Variants in FRMD5 observed in about 807,000 individuals in gnomAD.
FRMD5 encodes the protein FERM domain-containing protein 5.
In FRMD5, 20 loss-of-function variants were observed where a neutral mutation model predicts 69.0. The observed-to-expected ratio is 0.29, with a 90% CI of 0.20 to 0.42. The LOEUF (loss-of-function observed/expected upper bound fraction) is 0.42. Among genes scored for constraint, FRMD5 ranks in the 10% least tolerant of loss-of-function variants. FRMD5 has a pLI of 1.00. For missense variants in FRMD5, 595 were observed against 708.6 expected, an observed-to-expected ratio of 0.84 and a Z score of 1.82; for synonymous variants, 271 against 260.1, an observed-to-expected ratio of 1.04 and a Z score of -0.40.
chr15:44,191,415 G>C (rs1177843419), intron 1 of FRMD5, among the ~76,000 whole-genome samples: 1 of 151,892 alleles, frequency 6.6e-6, no homozygotes, highest in East Asian at 1.9e-4. Flanking sequence ...GTGAAACCTC[G>C]TCTCTACTAA....
intron 1 of FRMD5, among the ~76,000 whole-genome samples, chr15:44,158,371 A>G (rs1300882638): frequency 1.3e-5 from 2 of 152,154 alleles, no homozygotes; most frequent in South Asian, 2.1e-4. Flanking sequence ...ACTCATTCCA[A>G]TGTCTTTTCA....
In FRMD5 at chr15:43,874,386, G is replaced by A. The variant is rs749206726; in HGVS notation, c.1212C>T (p.His404=). Residue 404 remains histidine, a synonymous_variant, in exon 14 of 14, where the codon CAC becomes CAT. Coordinates refer to ENST00000417257, the MANE Select transcript of FRMD5 (RefSeq NM_032892.5). ...STSHGDTFLP[H]VRSSRTDSNE... Reference sequence around the variant, plus strand: ...TGCTATCTGTCCGGCTGCTTCTCACGTGAGGCAGGAAGGTGTCCCCATGGG... The same window carrying A: ...TGCTATCTGTCCGGCTGCTTCTCACATGAGGCAGGAAGGTGTCCCCATGGG... 17 of 1,614,070 alleles carry A rather than the reference G, an allele frequency of 1.1e-5. No homozygotes were observed. Among genetic ancestry groups the A allele is most frequent in the East Asian group, 6.7e-5 (3 of 44,896 alleles).
intron 1 of FRMD5, among the ~76,000 whole-genome samples, chr15:44,169,206 A>G (rs1444421789): frequency 6.6e-6 from 1 of 152,138 alleles, no homozygotes; most frequent in East Asian, 1.9e-4. Flanking sequence ...CCTTGCATGT[A>G]AAGGCTTTTG....
chr15:44,172,552 C>G (rs1357191630), intron 1 of FRMD5, among the ~76,000 whole-genome samples: 1 of 152,070 alleles, frequency 6.6e-6, no homozygotes, highest in East Asian at 1.9e-4. Context: ...ATTTAGAATT[C>G]AGTGACTTTT....
chr15:43,940,046 G>A (rs1042343025), intron 1 of FRMD5, among the ~76,000 whole-genome samples: 6 of 152,078 alleles, frequency 3.9e-5, no homozygotes, highest in Non-Finnish European at 8.8e-5. Flanking sequence ...GCTTGGTAGC[G>A]GGTGCCTGTA....
At chr15:43,899,190 T>G (rs902040919) in intron 7 of FRMD5, among the ~76,000 whole-genome samples, 1 of 152,192 alleles carries the variant, frequency 6.6e-6, no homozygotes, top group Non-Finnish European at 1.5e-5. Flanking sequence ...GAGCACTTGA[T>G]AGCATATCAC....
chr15:43,920,644 C>T (rs1055395720), intron 2 of FRMD5, among the ~76,000 whole-genome samples: 1 of 152,096 alleles, frequency 6.6e-6, no homozygotes, highest in African/African-American at 2.4e-5. Flanking sequence ...TTAGGTAGGA[C>T]TGCTATTAAT....
At chr15:44,007,143 C>T (rs569242291) in intron 1 of FRMD5, among the ~76,000 whole-genome samples, 13 of 152,270 alleles carry the variant, frequency 8.5e-5, no homozygotes, top group African/African-American at 2.6e-4. Context: ...AAGATTTTAA[C>T]TTGCTGAAGG....
At chr15:44,004,270 G>A (rs1235608900) in intron 1 of FRMD5, among the ~76,000 whole-genome samples, 1 of 152,174 alleles carries the variant, frequency 6.6e-6, no homozygotes, top group African/African-American at 2.4e-5. Context: ...TATTTAACAT[G>A]TATGTATACC....
intron 1 of FRMD5, among the ~76,000 whole-genome samples, chr15:43,998,095 G>A (rs1252681829): frequency 6.6e-6 from 1 of 152,122 alleles, no homozygotes; most frequent in Non-Finnish European, 1.5e-5. Context: ...GGTTCAATGT[G>A]GAACTAAGGT....
At chr15:43,899,739 C>T (rs1321184574) in intron 7 of FRMD5, among the ~76,000 whole-genome samples, 1 of 152,174 alleles carries the variant, frequency 6.6e-6, no homozygotes, top group Non-Finnish European at 1.5e-5. Flanking sequence ...GGTATGAATG[C>T]TGGTTCCTCC....
chr15:43,895,250 G>C (rs1595491766), intron 7 of FRMD5, among the ~76,000 whole-genome samples: 1 of 152,240 alleles, frequency 6.6e-6, no homozygotes, highest in South Asian at 2.1e-4. Flanking sequence ...ATGAAAAAAG[G>C]AGAAGTAATT....
rs532359613 is a variant in FRMD5, at chr15:44,095,973, G to C, written c.102+98980C>G. On this transcript the variant is annotated intron_variant, in intron 1 of 13. Coordinates refer to ENST00000417257, the MANE Select transcript of FRMD5 (RefSeq NM_032892.5). The stretch of plus-strand genomic sequence containing the variant: ...TATAATCCCAATACTTTGGGAGGCT[G>C]AGGTGGGTGGATCACTTGAGGTCGG... Among the ~76,000 whole-genome samples the C allele has an allele frequency of 7.9e-5, 12 of 152,264 alleles. No individual in the cohort carries two copies. In the South Asian group the frequency reaches 2.3e-3, roughly 29 times the overall value.
Position 44,194,938 on chromosome 15 carries a change from C to A in FRMD5, c.102+15G>T. 1 of 1,512,468 alleles carries A rather than the reference C, an allele frequency of 6.6e-7. No individual in the cohort carries two copies. The highest frequency in any genetic ancestry group is 8.8e-7 in the Non-Finnish European group (1 of 1,132,616). 93.7% of individuals were successfully genotyped at this position (1,512,468 alleles called of 1,614,324 possible). A position where few individuals can be genotyped will look rare whatever the true frequency, so the allele number is the denominator to read the frequency against. Reference sequence around the variant, plus strand: ...AGGGGGTCCCGCGGGCGGGGCGGGGCGGCGCGGCGCTGACCTGGATGGTGC... The same window carrying A: ...AGGGGGTCCCGCGGGCGGGGCGGGGAGGCGCGGCGCTGACCTGGATGGTGC... On this transcript the variant is annotated intron_variant, in intron 1 of 13. Coordinates refer to ENST00000417257, the MANE Select transcript of FRMD5 (RefSeq NM_032892.5).
chr15:44,190,931 G>C lies in FRMD5; in HGVS notation c.102+4022C>G, dbSNP rs78846634. Among the ~76,000 whole-genome samples the C allele has an allele frequency of 4.1e-3, 625 of 152,294 alleles. 7 individuals are homozygous for C. The highest frequency in any genetic ancestry group is 0.014 in the African/African-American group (596 of 41,552). ...AACTCTAGAGTGCCTGGCAAGCACA[G>C]GGCTCAATACATTTGTTCTCTCCCT... On this transcript the variant is annotated intron_variant, in intron 1 of 13. Transcript: ENST00000417257.
intron 1 of FRMD5, among the ~76,000 whole-genome samples, chr15:43,995,802 G>T (rs1889892214): frequency 6.6e-6 from 1 of 152,064 alleles, no homozygotes; most frequent in Non-Finnish European, 1.5e-5. Context: ...GTTTTTGAGG[G>T]CTAATGTAGG....
At chr15:44,159,981 C>G (rs2077587876) in intron 1 of FRMD5, among the ~76,000 whole-genome samples, 1 of 152,218 alleles carries the variant, frequency 6.6e-6, no homozygotes, top group South Asian at 2.1e-4. Flanking sequence ...CATCTATCAT[C>G]AAGGGTGAGC....
At chr15:43,910,021 A>G (rs1325412849) in intron 4 of FRMD5, 42 bp from the exon 5 acceptor site, 2 of 1,159,122 alleles carry the variant, frequency 1.7e-6, no homozygotes, top group South Asian at 2.5e-5. Flanking sequence ...GATTTCTTTG[A>G]TTGCTTTAAA....
chr15:43,982,451 C>T (rs916472279), intron 1 of FRMD5, among the ~76,000 whole-genome samples: 11 of 152,016 alleles, frequency 7.2e-5, no homozygotes, highest in African/African-American at 9.7e-5. Flanking sequence ...TTCACTTTAA[C>T]GCTTGAGGGT....
Sources: allele counts gnomAD v4.1 joint callset (sites outside exome capture counted in the v4.1 genomes callset), GRCh38; gene constraint gnomAD v4.1.1; transcripts MANE v1.5; gene names NCBI Gene and HGNC (gene_info 2026-07-23, HGNC 2026-07-21).